The following CPEB1 variants were observed in gnomAD, a reference collection of about 807,000 sequenced individuals.
CPEB1 encodes the protein cytoplasmic polyadenylation element binding protein 1, also known as cytoplasmic polyadenylation element-binding protein 1.
CPEB1 carries 7 observed loss-of-function variants against 65.8 expected under a neutral mutation model. The ratio of observed to expected loss-of-function variants is 0.11; its 90% CI spans 0.06 to 0.20. The LOEUF (loss-of-function observed/expected upper bound fraction) is 0.20, where lower values mean the gene tolerates loss of function less well. Ranked by LOEUF, CPEB1 falls within the 10% of genes least tolerant of loss-of-function variation. The pLI is 1.00. For synonymous variants in CPEB1, 262 were observed against 260.0 expected, an observed-to-expected ratio of 1.01 and a Z score of -0.08; for missense variants, 551 against 712.2, an observed-to-expected ratio of 0.77 and a Z score of 2.58.
At chr15:82,621,943 T>C (rs2045340502) in intron 3 of CPEB1, among the ~76,000 whole-genome samples, 1 of 152,222 alleles carries the variant, frequency 6.6e-6, no homozygotes, top group Admixed American at 6.5e-5. Context: ...AAACTGCTCC[T>C]CCAATCATTG....
chr15:82,647,998 C>T, upstream of CPEB1: 1 of 704,266 alleles, frequency 1.4e-6, no homozygotes, highest in Non-Finnish European at 2.0e-6. Context: ...GCTTATGAAG[C>T]TCCTACGAGC....
intron 3 of CPEB1, among the ~76,000 whole-genome samples, chr15:82,607,835 C>T (rs1247167231): frequency 6.6e-6 from 1 of 152,064 alleles, no homozygotes; most frequent in African/African-American, 2.4e-5. Flanking sequence ...ATATATGCAA[C>T]AAAAACTGAC....
intron 1 of CPEB1, among the ~76,000 whole-genome samples, chr15:82,631,586 A>G (rs2046249806): frequency 6.6e-6 from 1 of 152,156 alleles, no homozygotes; most frequent in Non-Finnish European, 1.5e-5. Flanking sequence ...TGCTGAACCA[A>G]CGAATACTGT....
At chr15:82,616,052 A>T (rs972817369) in intron 3 of CPEB1, among the ~76,000 whole-genome samples, 4 of 152,140 alleles carry the variant, frequency 2.6e-5, no homozygotes, top group Admixed American at 6.6e-5. Flanking sequence ...AATAACTATC[A>T]ATATGTACAC....
chr15:82,597,270 G>A (rs1306749777), intron 3 of CPEB1, among the ~76,000 whole-genome samples: 2 of 152,196 alleles, frequency 1.3e-5, no homozygotes, highest in Non-Finnish European at 2.9e-5. Context: ...AGGCTGCAAT[G>A]AGCAGTGATC....
At chr15:82,552,353 A>G in intron 9 of CPEB1, 127 bp downstream of exon 9, 1 of 863,674 alleles carries the variant, frequency 1.2e-6, no homozygotes, top group South Asian at 2.2e-5. Flanking sequence ...TTGTGGGACA[A>G]GAAGAGCCTT....
intron 3 of CPEB1, among the ~76,000 whole-genome samples, chr15:82,623,695 T>C (rs1423491890): frequency 1.3e-5 from 2 of 152,134 alleles, no homozygotes; most frequent in South Asian, 2.1e-4. Flanking sequence ...AAATTACCCA[T>C]AATTTTTTTC....
At position 82,545,556 on chromosome 15, in the gene CPEB1, G is replaced by C. The variant is rs112434122; in HGVS notation, c.1657-854C>G. On this transcript the variant is annotated intron_variant, in intron 12 of 12. Coordinates refer to ENST00000684509, the MANE Select transcript of CPEB1 (RefSeq NM_001365242.1). ...TTGGACACATGGAATCTCAGGGTCCGCCCCAAACCCACTGAATCAGAATCT... is the reference window on the plus strand; with the variant it reads ...TTGGACACATGGAATCTCAGGGTCCCCCCCAAACCCACTGAATCAGAATCT... Among the ~76,000 whole-genome samples, 657 of 152,174 alleles carry C rather than the reference G, an allele frequency of 4.3e-3. 4 individuals carry two copies. The highest frequency in any genetic ancestry group is 0.015 in the African/African-American group (620 of 41,496).
chr15:82,608,149 GT>G (rs1157274732), intron 3 of CPEB1, among the ~76,000 whole-genome samples: 2 of 152,188 alleles, frequency 1.3e-5, no homozygotes, highest in Non-Finnish European at 2.9e-5. Context: ...AATATATTGA[GT>G]TTTTTATAAA....
At chr15:82,628,681 A>G in intron 1 of CPEB1, 125 bp from the exon 2 acceptor site, 1 of 530,216 alleles carries the variant, frequency 1.9e-6, no homozygotes, top group South Asian at 2.3e-5. Flanking sequence ...TTCTCCTTAC[A>G]TCCGCTCCAC....
chr15:82,643,911 G>T (rs2047295367), intron 1 of CPEB1, among the ~76,000 whole-genome samples: 1 of 152,192 alleles, frequency 6.6e-6, no homozygotes, highest in African/African-American at 2.4e-5. Context: ...GTGAGATTTA[G>T]TAAGCTCCAT....
intron 1 of CPEB1, among the ~76,000 whole-genome samples, chr15:82,630,365 T>C (rs868798956): frequency 3.3e-5 from 5 of 152,252 alleles, no homozygotes; most frequent in East Asian, 1.9e-4. Context: ...AAATAAAGTT[T>C]TGAAGTCTGG....
chr15:82,621,444 A>AAT (rs1400343598), intron 3 of CPEB1, among the ~76,000 whole-genome samples: 1 of 152,184 alleles, frequency 6.6e-6, no homozygotes, highest in Admixed American at 6.5e-5. Flanking sequence ...CAATATGGAG[A>AAT]AACCCCGTCT....
At position 82,549,405 on chromosome 15, in the gene CPEB1, T is replaced by G. The variant is rs60207240; in HGVS notation, c.1480+55A>C. 1.1e-5 allele frequency: 17 copies of G among 1,588,286 alleles called. No individual in the cohort carries two copies. In the East Asian group the frequency reaches 3.8e-4, roughly 36 times the overall value. ...ACTCCCATGGGGAAGTATCACAATC[T>G]TGGTCTACTCCCAGGGGCCAACCAA... is the stretch of plus-strand genomic sequence containing the variant. On this transcript the variant is annotated intron_variant, in intron 10 of 12. Transcript: ENST00000684509.
intron 3 of CPEB1, among the ~76,000 whole-genome samples, chr15:82,605,252 G>C (rs947372918): frequency 3.3e-5 from 5 of 152,170 alleles, no homozygotes; most frequent in African/African-American, 1.2e-4. Context: ...TCCCAGTGAA[G>C]TGAAAGAATG....
chr15:82,613,255 T>G (rs1028503974), intron 3 of CPEB1, among the ~76,000 whole-genome samples: 1 of 152,204 alleles, frequency 6.6e-6, no homozygotes, highest in African/African-American at 2.4e-5. Context: ...TGGCTTTACT[T>G]TGGTATTCTT....
rs564474008 is a variant in CPEB1 at position 82,590,339 on chromosome 15, T to C, written c.272-18807A>G. 5.3e-5 allele frequency among the ~76,000 whole-genome samples: 8 copies of C among 152,226 alleles called. No individual in the cohort carries two copies. The East Asian group carries it at 1.5e-3, about 29-fold the overall frequency. The stretch of plus-strand genomic sequence containing the variant: ...ATATTTTTTCCTCCTTGGTCACATA[T>C]TTAAATTATATAATTCAATGGTTTT... On this transcript the variant is annotated intron_variant, in intron 3 of 12. Transcript: ENST00000684509.
At chr15:82,613,424 G>A (rs1392680224) in intron 3 of CPEB1, among the ~76,000 whole-genome samples, 1 of 152,132 alleles carries the variant, frequency 6.6e-6, no homozygotes, top group Non-Finnish European at 1.5e-5. Flanking sequence ...GTCTGGCTGT[G>A]TCACCCAGGC....
intron 3 of CPEB1, among the ~76,000 whole-genome samples, chr15:82,586,157 G>T (rs1387323567): frequency 6.6e-6 from 1 of 151,172 alleles, no homozygotes; most frequent in African/African-American, 2.5e-5. Flanking sequence ...AATTTCCTTG[G>T]GTAAGTATGC....
Sources: allele counts gnomAD v4.1 joint callset (sites outside exome capture counted in the v4.1 genomes callset), GRCh38; gene constraint gnomAD v4.1.1; transcripts MANE v1.5; gene names NCBI Gene and HGNC (gene_info 2026-07-23, HGNC 2026-07-21).